SEZ6L: variants seen among roughly 807,000 people sequenced by gnomAD.
SEZ6L encodes seizure 6-like protein.
A neutral mutation model predicts 106.2 loss-of-function variants in SEZ6L; 37 were observed. The ratio of observed to expected loss-of-function variants is 0.35; its 90% CI spans 0.27 to 0.46. The LOEUF (loss-of-function observed/expected upper bound fraction) is 0.46, where lower values mean the gene tolerates loss of function less well. Among genes scored for constraint, SEZ6L ranks in the 20% least tolerant of loss-of-function variants. The pLI, the probability that SEZ6L is intolerant of heterozygous loss-of-function variation, is 1.00. For synonymous variants in SEZ6L, 541 were observed against 570.4 expected (o/e 0.95, Z 0.73); for missense variants, 1,172 against 1,332.8 (o/e 0.88, Z 1.88).
chr22:26,364,070 T>G (rs1473399798), intron 12 of SEZ6L, among the ~76,000 whole-genome samples: 1 of 152,194 alleles, frequency 6.6e-6, no homozygotes, highest in Non-Finnish European at 1.5e-5. Context: ...GGACATAAGT[T>G]GCCCAACAAT....
intron 1 of SEZ6L, among the ~76,000 whole-genome samples, chr22:26,283,549 T>C (rs911150142): frequency 2.0e-5 from 3 of 152,200 alleles, no homozygotes; most frequent in African/African-American, 7.2e-5. Context: ...TTCTATAAAG[T>C]GTTGATCAAC....
At chr22:26,191,209 C>T (rs1344740632) in intron 1 of SEZ6L, among the ~76,000 whole-genome samples, 2 of 152,124 alleles carry the variant, frequency 1.3e-5, no homozygotes, top group Non-Finnish European at 2.9e-5. Flanking sequence ...CAGAAATAGC[C>T]TTTGACCCAG....
chr22:26,361,149 C>G (rs1400953002), intron 12 of SEZ6L, among the ~76,000 whole-genome samples: 2 of 151,936 alleles, frequency 1.3e-5, no homozygotes, highest in African/African-American at 2.4e-5. Flanking sequence ...TAGAGTGAGG[C>G]TAAATTATAC....
chr22:26,244,287 A>T (rs2079249718), intron 1 of SEZ6L: 1 of 152,252 alleles, frequency 6.6e-6, no homozygotes, highest in African/African-American at 2.4e-5. Flanking sequence ...GAAGCCCTGA[A>T]ATCATGGAAA....
At chr22:26,197,713 C>G (rs1184993766) in intron 1 of SEZ6L, among the ~76,000 whole-genome samples, 1 of 151,988 alleles carries the variant, frequency 6.6e-6, no homozygotes, top group Non-Finnish European at 1.5e-5. Context: ...AAGAGAAACA[C>G]TTTTTTTTCT....
intron 11 of SEZ6L, among the ~76,000 whole-genome samples, chr22:26,350,332 A>T (rs1371445488): frequency 6.6e-6 from 1 of 151,448 alleles, no homozygotes; most frequent in Non-Finnish European, 1.5e-5. Flanking sequence ...GGCTTAAGCG[A>T]TCCTCTCACC....
intron 1 of SEZ6L, among the ~76,000 whole-genome samples, chr22:26,231,787 C>G (rs2078805752): frequency 6.6e-6 from 1 of 152,224 alleles, no homozygotes; most frequent in Middle Eastern, 3.2e-3. Context: ...GATGCAGAAG[C>G]CCCCAGCCCT....
intron 2 of SEZ6L, among the ~76,000 whole-genome samples, chr22:26,294,018 G>A (rs892508199): frequency 2.0e-5 from 3 of 152,188 alleles, no homozygotes; most frequent in African/African-American, 7.2e-5. Context: ...CTAAACTGGG[G>A]ATGAAATATT....
intron 4 of SEZ6L, among the ~76,000 whole-genome samples, chr22:26,298,610 C>T (rs1267304878): frequency 6.6e-6 from 1 of 152,192 alleles, no homozygotes; most frequent in Non-Finnish European, 1.5e-5. Flanking sequence ...TTTTAACAAG[C>T]ACTCAAGATG....
At chr22:26,355,850 C>A (rs2146034045) in intron 12 of SEZ6L, among the ~76,000 whole-genome samples, 1 of 152,318 alleles carries the variant, frequency 6.6e-6, no homozygotes. Context: ...AAAGCCATAT[C>A]TTTTTAATCC....
chr22:26,198,556 T>G (rs1940729473), intron 1 of SEZ6L, among the ~76,000 whole-genome samples: 1 of 152,224 alleles, frequency 6.6e-6, no homozygotes, highest in Non-Finnish European at 1.5e-5. Flanking sequence ...TTATAAATAA[T>G]AGAAATCTGC....
intron 1 of SEZ6L, chr22:26,244,334 T>C (rs1376484514): frequency 1.3e-5 from 2 of 152,210 alleles, no homozygotes; most frequent in East Asian, 3.8e-4. Flanking sequence ...CTTAAAAACT[T>C]ACCTGCTTCC....
chr22:26,272,104 A>G (rs1264613747), intron 1 of SEZ6L, among the ~76,000 whole-genome samples: 4 of 152,368 alleles, frequency 2.6e-5, no homozygotes, highest in Non-Finnish European at 2.9e-5. Flanking sequence ...TAATTAGCCA[A>G]TGAATTCTCA....
intron 9 of SEZ6L, among the ~76,000 whole-genome samples, chr22:26,335,427 G>C (rs974232059): frequency 1.3e-5 from 2 of 152,120 alleles, no homozygotes; most frequent in African/African-American, 4.8e-5. Context: ...TGCTCCTCTG[G>C]CTGGGAATTT....
Position 26,351,522 on chromosome 22 carries a change from T to TTTGC in SEZ6L, c.2599+282_2599+283insCTTG, listed in dbSNP as rs1383913305. On this transcript the variant is annotated intron_variant, in intron 12 of 16. Transcript: ENST00000248933. ...ATAGTATACTTTGTTTTTTTGTTTG[T>TTTGC]TTGTTTGTTTGTTTGTTTGTTTGTT... 5 of 211,356 alleles carry TTTGC rather than the reference T, an allele frequency of 2.4e-5. No homozygotes were observed. The African/African-American group carries it at 2.4e-4, about 10-fold the overall frequency. 13.1% of individuals were successfully genotyped at this position (211,356 alleles called of 1,614,324 possible).
intron 9 of SEZ6L, among the ~76,000 whole-genome samples, chr22:26,329,359 T>C (rs918594706): frequency 3.9e-5 from 6 of 152,060 alleles, no homozygotes; most frequent in Admixed American, 3.3e-4. Flanking sequence ...TTCCAGCTAC[T>C]CTGGAGGCTA....
chr22:26,230,210 A>G (rs1242405811), intron 1 of SEZ6L, among the ~76,000 whole-genome samples: 5 of 152,180 alleles, frequency 3.3e-5, no homozygotes, highest in African/African-American at 1.2e-4. Context: ...CCAGAGGCAG[A>G]GCTAGCAGGG....
At chr22:26,194,028 C>A (rs543594039) in intron 1 of SEZ6L, among the ~76,000 whole-genome samples, 1 of 152,286 alleles carries the variant, frequency 6.6e-6, no homozygotes, top group South Asian at 2.1e-4. Flanking sequence ...CTGACCCAGA[C>A]TGGGAGTCAA....
chr22:26,231,851 C>T (rs2078807309), intron 1 of SEZ6L, among the ~76,000 whole-genome samples: 1 of 152,168 alleles, frequency 6.6e-6, no homozygotes, highest in Non-Finnish European at 1.5e-5. Flanking sequence ...TAAGTTTGGC[C>T]CTTAGCTGTC....
Sources: allele counts gnomAD v4.1 joint callset (sites outside exome capture counted in the v4.1 genomes callset), GRCh38; gene constraint gnomAD v4.1.1; transcripts MANE v1.5; gene names NCBI Gene and HGNC (gene_info 2026-07-23, HGNC 2026-07-21).